The following SLC35F4 variants were observed in gnomAD, a reference collection of about 807,000 sequenced individuals.
SLC35F4 encodes the protein solute carrier family 35 member F4.
SLC35F4 carries 24 observed loss-of-function variants against 44.2 expected under a neutral mutation model. The observed-to-expected ratio is 0.54, with a 90% confidence interval of 0.39 to 0.76. SLC35F4 has a LOEUF of 0.76. SLC35F4 is among the 30% of genes least tolerant of loss of function. The pLI is 0.00. For missense variants in SLC35F4, 562 were observed against 586.1 expected, an observed-to-expected ratio of 0.96 and a Z score of 0.42; for synonymous variants, 238 against 223.6, an observed-to-expected ratio of 1.06 and a Z score of -0.57.
chr14:57,754,663 A>G (rs1402706008), intron 1 of SLC35F4, among the ~76,000 whole-genome samples: 1 of 152,232 alleles, frequency 6.6e-6, no homozygotes. Context: ...TTCATCTTGT[A>G]TCAGGGCTCA....
intron 1 of SLC35F4, among the ~76,000 whole-genome samples, chr14:57,794,630 T>C (rs1234492753): frequency 6.6e-6 from 1 of 152,156 alleles, no homozygotes; most frequent in African/African-American, 2.4e-5. Flanking sequence ...TGAATGGGTC[T>C]GTAGGCCCAT....
At chr14:57,950,883 T>C (rs1890126387) in intron 1 of SLC35F4, among the ~76,000 whole-genome samples, 1 of 152,078 alleles carries the variant, frequency 6.6e-6, no homozygotes, top group Non-Finnish European at 1.5e-5. Flanking sequence ...CCAAGGCTGG[T>C]CTTGAACTCC....
intron 1 of SLC35F4, among the ~76,000 whole-genome samples, chr14:57,657,863 G>A (rs1186174907): frequency 6.6e-6 from 1 of 152,202 alleles, no homozygotes; most frequent in African/African-American, 2.4e-5. Context: ...TTCTGTGTTT[G>A]TCACTAGTTT....
chr14:57,669,702 GC>G (rs2074447923), intron 1 of SLC35F4, among the ~76,000 whole-genome samples: 1 of 152,066 alleles, frequency 6.6e-6, no homozygotes, highest in African/African-American at 2.4e-5. Flanking sequence ...TGGTGGATAA[GC>G]TTTTTGATGT....
intron 1 of SLC35F4, among the ~76,000 whole-genome samples, chr14:57,944,257 A>C (rs1357150397): frequency 6.6e-6 from 1 of 151,398 alleles, no homozygotes; most frequent in African/African-American, 2.4e-5. Context: ...AAACACAAAT[A>C]TTCCCTGATA....
chr14:57,572,072 G>C, intron 4 of SLC35F4, 53 bp from the exon 5 acceptor site: 4 of 1,574,198 alleles, frequency 2.5e-6, no homozygotes, highest in South Asian at 2.3e-5. Context: ...CTGTATCCTA[G>C]AGCAGGCAAT....
chr14:57,661,412 T>A (rs1566736916), intron 1 of SLC35F4, among the ~76,000 whole-genome samples: 1 of 152,156 alleles, frequency 6.6e-6, no homozygotes, highest in Non-Finnish European at 1.5e-5. Context: ...CAGCACATAT[T>A]TATCTGAATA....
chr14:57,581,647 G>C (rs1257953906), intron 3 of SLC35F4, among the ~76,000 whole-genome samples: 1 of 152,246 alleles, frequency 6.6e-6, no homozygotes, highest in Non-Finnish European at 1.5e-5. Context: ...CACAGAGTTA[G>C]GCTCTCTTCT....
intron 1 of SLC35F4, among the ~76,000 whole-genome samples, chr14:57,790,707 A>T (rs963074864): frequency 6.6e-6 from 1 of 152,188 alleles, no homozygotes; most frequent in Non-Finnish European, 1.5e-5. Flanking sequence ...AACAAGCTGG[A>T]GGCATCACAC....
At chr14:57,790,711 A>G (rs979834911) in intron 1 of SLC35F4, among the ~76,000 whole-genome samples, 4 of 152,220 alleles carry the variant, frequency 2.6e-5, no homozygotes, top group Non-Finnish European at 4.4e-5. Flanking sequence ...AGCTGGAGGC[A>G]TCACACTACC....
intron 1 of SLC35F4, among the ~76,000 whole-genome samples, chr14:57,616,173 T>G (rs559327321): frequency 7.9e-5 from 12 of 152,336 alleles, no homozygotes; most frequent in Non-Finnish European, 1.6e-4. Flanking sequence ...TCCAGAACTT[T>G]TTCAGCTTCT....
intron 1 of SLC35F4, among the ~76,000 whole-genome samples, chr14:57,927,499 T>G (rs1055660711): frequency 6.6e-6 from 1 of 151,560 alleles, no homozygotes; most frequent in African/African-American, 2.4e-5. Context: ...TCTTCTTCTT[T>G]TTTTTTTTTG....
intron 5 of SLC35F4, among the ~76,000 whole-genome samples, chr14:57,571,052 T>C (rs187052890): frequency 1.3e-5 from 2 of 152,298 alleles, no homozygotes; most frequent in Admixed American, 1.3e-4. Flanking sequence ...AGACACAGTG[T>C]TGGTTAATAA....
At chr14:57,649,662 G>A (rs954214509) in intron 1 of SLC35F4, among the ~76,000 whole-genome samples, 1 of 152,152 alleles carries the variant, frequency 6.6e-6, no homozygotes, top group Non-Finnish European at 1.5e-5. Context: ...GCATGTCACA[G>A]ACTATGGAAA....
intron 1 of SLC35F4, among the ~76,000 whole-genome samples, chr14:57,679,273 T>C (rs1341933046): frequency 1.3e-5 from 2 of 152,068 alleles, no homozygotes; most frequent in Non-Finnish European, 2.9e-5. Flanking sequence ...CCTGAATGAC[T>C]ACTGGGTAAA....
chr14:57,853,500 A>G (rs1351417005), intron 1 of SLC35F4, among the ~76,000 whole-genome samples: 1 of 152,172 alleles, frequency 6.6e-6, no homozygotes, highest in Non-Finnish European at 1.5e-5. Context: ...GGCAGCCATG[A>G]TTGGGAAACT....
At chr14:57,808,101 A>G (rs1881556587) in intron 1 of SLC35F4, among the ~76,000 whole-genome samples, 1 of 152,014 alleles carries the variant, frequency 6.6e-6, no homozygotes. Flanking sequence ...GATAATGGGA[A>G]CTACAATTCA....
At chr14:57,896,928 C>T (rs1787420032) in intron 1 of SLC35F4, among the ~76,000 whole-genome samples, 1 of 151,066 alleles carries the variant, frequency 6.6e-6, no homozygotes, top group Admixed American at 6.6e-5. Context: ...TTGATTAGGC[C>T]ATAACTTTTT....
At chr14:57,874,030 C>T (rs571706492) in intron 1 of SLC35F4, among the ~76,000 whole-genome samples, 1 of 152,290 alleles carries the variant, frequency 6.6e-6, no homozygotes, top group East Asian at 1.9e-4. Context: ...CATTCTTAAG[C>T]TAATAAAGTG....
Sources: gnomAD v4.1 joint callset for allele counts (sites outside exome capture counted in the v4.1 genomes callset) on GRCh38, gnomAD v4.1.1 for gene constraint, MANE v1.5 for transcripts, NCBI Gene and HGNC (gene_info 2026-07-23, HGNC 2026-07-21) for gene names.